NLGN1: variants seen among roughly 807,000 people sequenced by gnomAD.
NLGN1 encodes neuroligin 1, also known as neuroligin-1.
NLGN1 carries 12 observed loss-of-function variants against 65.5 expected under a neutral mutation model. That is an observed-to-expected ratio of 0.18 (90% CI 0.12 to 0.30). The LOEUF is 0.30. Among genes scored for constraint, NLGN1 ranks in the 10% least tolerant of loss-of-function variants. NLGN1 has a pLI of 1.00. For synonymous variants in NLGN1, 350 were observed against 359.5 expected (o/e 0.97, Z 0.30); for missense variants, 750 against 1,007.1 (o/e 0.74, Z 3.46).
At chr3:173,918,700 G>GTATA (rs1404758270) in intron 4 of NLGN1, among the ~76,000 whole-genome samples, 4 of 81,944 alleles carry the variant, frequency 4.9e-5, no homozygotes, top group African/African-American at 1.8e-4. Flanking sequence ...GTGTGTGTGT[G>GTATA]TGTATATATA....
In NLGN1 at chr3:173,931,384, A is replaced by G. The variant is rs1028722233; in HGVS notation, c.646+123552A>G. ...AGTAGCATAAGGAACATGGAGGGTT[A>G]CAGGGTGGAGGGGGCTTGGGTCCCT... On this transcript the variant is annotated intron_variant, in intron 4 of 6. Transcript: ENST00000457714. Among the ~76,000 whole-genome samples the G allele has an allele frequency of 5.9e-5, 9 of 152,294 alleles. 2 individuals are homozygous for G. The highest frequency in any genetic ancestry group is 6.5e-5 in the Admixed American group (1 of 15,268).
At chr3:173,810,904 A>AT (rs1717783169) in intron 4 of NLGN1, among the ~76,000 whole-genome samples, 1 of 152,070 alleles carries the variant, frequency 6.6e-6, no homozygotes, top group South Asian at 2.1e-4. Context: ...GTGGTGTATG[A>AT]TTTTCCCCCA....
chr3:174,254,947 G>T (rs546365850), intron 4 of NLGN1, among the ~76,000 whole-genome samples: 6 of 152,090 alleles, frequency 3.9e-5, no homozygotes. Context: ...AAGGTGCTTA[G>T]AAATAGCCAC....
intron 3 of NLGN1, among the ~76,000 whole-genome samples, chr3:173,768,380 C>G (rs1779076405): frequency 6.6e-6 from 1 of 152,124 alleles, no homozygotes; most frequent in Non-Finnish European, 1.5e-5. Flanking sequence ...CTTGGTGAGA[C>G]AGTTCATACA....
At chr3:173,742,348 T>C (rs537210575) in intron 3 of NLGN1, among the ~76,000 whole-genome samples, 2 of 152,128 alleles carry the variant, frequency 1.3e-5, no homozygotes, top group Non-Finnish European at 2.9e-5. Flanking sequence ...GTAAATTTTC[T>C]GTTTGCCCCA....
chr3:173,498,176 G>A (rs980759251), intron 2 of NLGN1, among the ~76,000 whole-genome samples: 27 of 151,478 alleles, frequency 1.8e-4, no homozygotes, highest in Non-Finnish European at 1.8e-4. Context: ...TTAACATTAG[G>A]TATATCTCCT....
At position 173,539,378 on chromosome 3, in the gene NLGN1, G is replaced by GTA. The variant is rs145071948; in HGVS notation, c.-320-64892_-320-64891dup. Among the ~76,000 whole-genome samples, 786 of 144,552 alleles carry GTA rather than the reference G, an allele frequency of 5.4e-3. 19 individuals are homozygous for GTA. In the South Asian group the frequency reaches 0.057, roughly 10 times the overall value. The allele number at this position is 144,552 out of a possible 152,430, so 94.8% of individuals were successfully genotyped here. On this transcript the variant is annotated intron_variant, in intron 2 of 6. Transcript: ENST00000457714. ...TGTTTGGGCTCCATCATATATATGT[G>GTA]TATATATATAAAAAACATATATATG...
At chr3:173,789,302 C>A (rs1712106255) in intron 3 of NLGN1, among the ~76,000 whole-genome samples, 1 of 151,936 alleles carries the variant, frequency 6.6e-6, no homozygotes, top group Non-Finnish European at 1.5e-5. Context: ...GCACTTTTTT[C>A]CTGAAAATAA....
At position 173,531,564 on chromosome 3, in the gene NLGN1, T is replaced by TACAC. The variant is rs147720926; in HGVS notation, c.-320-72692_-320-72689dup. On this transcript the variant is annotated intron_variant, in intron 2 of 6. Transcript: ENST00000457714. ...TGTATTTGTTTTTACCTGTGTGAAA[T>TACAC]ACACACACACACACACACACACACA... Among the ~76,000 whole-genome samples, 402 of 148,256 alleles carry TACAC rather than the reference T, an allele frequency of 2.7e-3. 2 individuals are homozygous for TACAC. The highest frequency in any genetic ancestry group is 8.4e-3 in the African/African-American group (338 of 40,452).
At chr3:174,078,649 G>A (rs1478516232) in intron 4 of NLGN1, among the ~76,000 whole-genome samples, 1 of 152,090 alleles carries the variant, frequency 6.6e-6, no homozygotes, top group Non-Finnish European at 1.5e-5. Flanking sequence ...TGTAGCATTA[G>A]GATTATTTAT....
rs1277743697 is a variant in NLGN1, at chr3:174,198,637, A to C, written c.647-76678A>C. ...ATTTTCAAATTTGAAAAAGAATGTAATGGGATCTTATTTTTGTTCGTTTTC... is the reference window on the plus strand; with the variant it reads ...ATTTTCAAATTTGAAAAAGAATGTACTGGGATCTTATTTTTGTTCGTTTTC... On this transcript the variant is annotated intron_variant, in intron 4 of 6. Coordinates refer to ENST00000457714, the Ensembl canonical transcript of NLGN1. 3.3e-5 allele frequency among the ~76,000 whole-genome samples: 5 copies of C among 152,238 alleles called. No individual in the cohort carries two copies. In the East Asian group the frequency reaches 9.7e-4, roughly 29 times the overall value.
chr3:173,998,113 A>C (rs1055909764), intron 4 of NLGN1, among the ~76,000 whole-genome samples: 1 of 152,122 alleles, frequency 6.6e-6, no homozygotes, highest in Non-Finnish European at 1.5e-5. Context: ...TTTATGAAGG[A>C]GAAAAGTAAA....
intron 4 of NLGN1, among the ~76,000 whole-genome samples, chr3:174,264,789 C>CTGTT (rs1469921664): frequency 6.6e-6 from 1 of 151,932 alleles, no homozygotes; most frequent in Admixed American, 6.6e-5. Flanking sequence ...TTTTTCTGTT[C>CTGTT]TGTTTGTTCC....
chr3:173,570,951 C>A (rs1744553006), intron 2 of NLGN1, among the ~76,000 whole-genome samples: 2 of 152,294 alleles, frequency 1.3e-5, no homozygotes, highest in South Asian at 4.1e-4. Flanking sequence ...ATCCACCCGT[C>A]TCGGCCTCTC....
intron 4 of NLGN1, among the ~76,000 whole-genome samples, chr3:173,869,750 AT>A (rs532101810): frequency 9.9e-5 from 15 of 152,222 alleles, no homozygotes; most frequent in Middle Eastern, 3.4e-3. Context: ...ACTCCCCAAT[AT>A]TTTTTTAGTG....
At chr3:174,023,681 C>T (rs940486035) in intron 4 of NLGN1, among the ~76,000 whole-genome samples, 20 of 152,050 alleles carry the variant, frequency 1.3e-4, no homozygotes, top group Non-Finnish European at 2.8e-4. Flanking sequence ...GTGGTTGGAG[C>T]GCTGTAATGT....
chr3:173,557,873 C>G (rs1243579679), intron 2 of NLGN1, among the ~76,000 whole-genome samples: 1 of 152,056 alleles, frequency 6.6e-6, no homozygotes, highest in Non-Finnish European at 1.5e-5. Context: ...AAATTTCTAC[C>G]TGGCATCAGT....
At chr3:173,658,081 GTAGT>G (rs1472198345) in intron 3 of NLGN1, among the ~76,000 whole-genome samples, 1 of 151,924 alleles carries the variant, frequency 6.6e-6, no homozygotes, top group African/African-American at 2.4e-5. Flanking sequence ...CTTTCGTATG[GTAGT>G]TAGAGAAATT....
intron 4 of NLGN1, among the ~76,000 whole-genome samples, chr3:173,873,090 A>AT (rs71702635): frequency 0.019 from 2,639 of 141,282 alleles, 29 homozygotes; most frequent in East Asian, 0.044. Context: ...TGTATGATGG[A>AT]TTTTTTTTTT....
Sources: gnomAD v4.1 joint callset for allele counts (sites outside exome capture counted in the v4.1 genomes callset) on GRCh38, gnomAD v4.1.1 for gene constraint, MANE v1.5 for transcripts, NCBI Gene and HGNC (gene_info 2026-07-23, HGNC 2026-07-21) for gene names.